Variants in PIK3CG observed in about 807,000 individuals in gnomAD.
The protein encoded by PIK3CG is phosphatidylinositol-4,5-bisphosphate 3-kinase catalytic subunit gamma.
Under a neutral mutation model 102.3 loss-of-function variants are expected in PIK3CG, and 55 were observed. That is an observed-to-expected ratio of 0.54 (90% CI 0.43 to 0.67). The LOEUF is 0.67. Ranked by LOEUF, PIK3CG falls within the 30% of genes least tolerant of loss-of-function variation. The probability of loss-of-function intolerance (pLI) is 0.00; values close to 1 mark genes in which losing one functional copy is unlikely to be tolerated. For missense variants in PIK3CG, 1,258 were observed against 1,391.8 expected, an observed-to-expected ratio of 0.90 and a Z score of 1.53; for synonymous variants, 552 against 540.0, an observed-to-expected ratio of 1.02 and a Z score of -0.31.
intron 4 of PIK3CG, among the ~76,000 whole-genome samples, chr7:106,873,170 C>T (rs1790599994): frequency 6.6e-6 from 1 of 152,170 alleles, no homozygotes; most frequent in African/African-American, 2.4e-5. Context: ...AATTAAGCAG[C>T]ATTATGCAGA....
Position 106,895,438 on chromosome 7 carries a change from T to C in PIK3CG, c.3030+9146T>C, listed in dbSNP as rs1354698290. Reference sequence around the variant, plus strand: ...TGAGTCCAAAAGGCAGAAATGAAACTTCTGGGACTGAGCGGGCAGGGCAGG... The same window carrying C: ...TGAGTCCAAAAGGCAGAAATGAAACCTCTGGGACTGAGCGGGCAGGGCAGG... On this transcript the variant is annotated intron_variant, in intron 10 of 10. Transcript: ENST00000496166. This position sits in a 1 kb window ranked among gnomAD's most constrained non-coding sequence, Gnocchi z 5.4. Among the ~76,000 whole-genome samples, 1 of 152,174 alleles carries C rather than the reference T, an allele frequency of 6.6e-6. No homozygotes were observed. The highest frequency in any genetic ancestry group is 2.4e-5 in the African/African-American group (1 of 41,444).
chr7:106,884,710 T>C lies in PIK3CG; in HGVS notation c.2872+444T>C, dbSNP rs1791035512. ...GCATTACGTTTATTGCACACTTTTT[T>C]TTCAACTCACTTGCCACTATAAAGC... On this transcript the variant is annotated intron_variant, in intron 9 of 10. Transcript: ENST00000496166. The surrounding 1 kb of genome is among the most constrained non-coding windows in gnomAD (Gnocchi z 4.2). Among the ~76,000 whole-genome samples, 1 of 152,202 alleles carries C rather than the reference T, an allele frequency of 6.6e-6. No individual in the cohort carries two copies. The highest frequency in any genetic ancestry group is 1.5e-5 in the Non-Finnish European group (1 of 68,030).
At chr7:106,889,009 T>C (rs1216752563) in intron 10 of PIK3CG, among the ~76,000 whole-genome samples, 3 of 152,234 alleles carry the variant, frequency 2.0e-5, no homozygotes, top group African/African-American at 7.2e-5. Context: ...CAATAAATGG[T>C]AGCCGCCATT....
chr7:106,868,694 A>C lies in PIK3CG; in HGVS notation c.1133A>C (p.Asp378Ala), dbSNP rs569081649. The C allele has an allele frequency of 6.8e-6, 11 of 1,614,170 alleles. No homozygotes were observed. The East Asian group carries it at 2.2e-4, about 33-fold the overall frequency. Reference protein sequence around the residue: ...IDIPVLPRNTDLTVFVEANIQ... With the variant: ...IDIPVLPRNTALTVFVEANIQ... ...ATCCCCGTCCTGCCTCGGAACACCG[A>C]CCTCACAGTTTTTGTAGAGGCAAAC... is the stretch of plus-strand genomic sequence containing the variant. Residue 378 changes from aspartate to alanine, a missense_variant, in exon 2 of 11, where the codon GAC (aspartate) becomes GCC (alanine). Asp to Ala is a moderately radical substitution (Grantham distance 126, BLOSUM62 -2). Around this residue, in one of 2 missense-constraint regions of PIK3CG, gnomAD observed 832 missense variants for 787.5 expected, o/e 1.06. Coordinates refer to ENST00000496166, the MANE Select transcript of PIK3CG (RefSeq NM_001282426.2). This position sits in a 1 kb window ranked among gnomAD's most constrained non-coding sequence, Gnocchi z 6.2.
chr7:106,865,709 C>T (rs1790257778), intron 1 of PIK3CG: 1 of 152,230 alleles, frequency 6.6e-6, no homozygotes, highest in South Asian at 2.1e-4. Context: ...GATTACTGTA[C>T]TTACAGTGTT....
In PIK3CG at chr7:106,867,748, G is replaced by A. The variant is rs373644334; in HGVS notation, c.187G>A (p.Gly63Ser). Reference protein sequence around the residue: ...SPETALLHVAGHGNVEQMKAQ... With the variant: ...SPETALLHVASHGNVEQMKAQ... ...CGAAACGGCGCTGCTGCACGTGGCC[G>A]GCCACGGCAACGTGGAGCAGATGAA... The change falls in exon 2 of 11, where the codon GGC becomes AGC. Residue 63 changes from glycine (G) to serine (S), a missense_variant. By Grantham distance (56) the Gly-to-Ser change is moderately conservative. Transcript: ENST00000496166. This position sits in a 1 kb window ranked among gnomAD's most constrained non-coding sequence, Gnocchi z 5.1. The A allele has an allele frequency of 6.2e-7, 1 of 1,612,926 alleles. No individual in the cohort carries two copies. Among genetic ancestry groups the A allele is most frequent in the Admixed American group, 1.7e-5 (1 of 60,008 alleles).
At chr7:106,881,550 CA>C in intron 6 of PIK3CG, among the ~76,000 whole-genome samples, 1 of 152,058 alleles carries the variant, frequency 6.6e-6, no homozygotes. Flanking sequence ...AAACCCACTC[CA>C]AAAGAAATGT....
rs1790341270 is a variant in PIK3CG, at chr7:106,867,646, G to A, written c.85G>A (p.Ala29Thr). Reference sequence around the variant, plus strand: ...CCGGAGGATGAAGCCGCGCAGTGCTGCGGCCAGCCTGTCCTCCATGGAGCT... The same window carrying A: ...CCGGAGGATGAAGCCGCGCAGTGCTACGGCCAGCCTGTCCTCCATGGAGCT... The part of the protein sequence containing the change: ...RRRRMKPRSA[A>T]ASLSSMELIP... The change falls in exon 2 of 11, where the codon GCG (alanine) becomes ACG (threonine). Residue 29 changes from alanine (A) to threonine (T), a missense_variant. Physicochemically the swap from Ala to Thr is moderately conservative, Grantham distance 58. Coordinates refer to ENST00000496166, the MANE Select transcript of PIK3CG (RefSeq NM_001282426.2). This position sits in a 1 kb window ranked among gnomAD's most constrained non-coding sequence, Gnocchi z 5.1. 1 of 1,613,246 alleles carries A rather than the reference G, an allele frequency of 6.2e-7. No individual in the cohort carries two copies. Among genetic ancestry groups the A allele is most frequent in the Non-Finnish European group, 8.5e-7 (1 of 1,179,958 alleles).
At position 106,884,218 on chromosome 7, in the gene PIK3CG, C is replaced by A. The variant is rs745386444; in HGVS notation, c.2824C>A (p.Leu942Ile). The change falls in exon 9 of 11, where the codon CTT (leucine) becomes ATT (isoleucine). Residue 942 changes from leucine to isoleucine, a missense_variant. Physicochemically the swap from Leu to Ile is conservative, Grantham distance 5. This residue lies in a region of PIK3CG where 426 missense variants were observed against 604.2 expected (regional missense o/e 0.71). Coordinates refer to ENST00000496166, the MANE Select transcript of PIK3CG (RefSeq NM_001282426.2). This position sits in a 1 kb window ranked among gnomAD's most constrained non-coding sequence, Gnocchi z 4.2. ...CAGYCVATFVLGIGDRHNDNI... is the reference protein window; with the variant it reads ...CAGYCVATFVIGIGDRHNDNI... ...AGGCTACTGTGTGGCAACCTTTGTTCTTGGAATAGGCGACAGACACAATGA... is the reference window on the plus strand; with the variant it reads ...AGGCTACTGTGTGGCAACCTTTGTTATTGGAATAGGCGACAGACACAATGA... 1.9e-6 allele frequency: 3 copies of A among 1,613,728 alleles called. No homozygotes were observed. The highest frequency in any genetic ancestry group is 2.5e-6 in the Non-Finnish European group (3 of 1,179,858).
At chr7:106,876,791 G>A (rs953315365) in intron 5 of PIK3CG, among the ~76,000 whole-genome samples, 9 of 152,090 alleles carry the variant, frequency 5.9e-5, no homozygotes, top group African/African-American at 9.7e-5. Flanking sequence ...TTAGTCTGTG[G>A]CTTGCCTTTT....
In PIK3CG at chr7:106,899,622, A is replaced by G. The variant is rs1406585426; in HGVS notation, c.3031-5487A>G. Among the ~76,000 whole-genome samples the G allele has an allele frequency of 4.6e-5, 7 of 152,164 alleles. No homozygotes were observed. Among genetic ancestry groups the G allele is most frequent in the Non-Finnish European group, 7.3e-5 (5 of 68,030 alleles). ...CTTTTCTGTGTCTATGGAGATAATC[A>G]TGTGGTTTTTGTCTTTAGTTCTTTG... On this transcript the variant is annotated intron_variant, in intron 10 of 10. Transcript: ENST00000496166. The surrounding 1 kb of genome is among the most constrained non-coding windows in gnomAD (Gnocchi z 4.6).
Position 106,893,078 on chromosome 7 carries a change from C to A in PIK3CG, c.3030+6786C>A, listed in dbSNP as rs556765297. Among the ~76,000 whole-genome samples the A allele has an allele frequency of 1.3e-5, 2 of 152,158 alleles. No homozygotes were observed. Among genetic ancestry groups the A allele is most frequent in the East Asian group, 3.9e-4 (2 of 5,178 alleles). On this transcript the variant is annotated intron_variant, in intron 10 of 10. Coordinates refer to ENST00000496166, the MANE Select transcript of PIK3CG (RefSeq NM_001282426.2). The surrounding 1 kb of genome is among the most constrained non-coding windows in gnomAD (Gnocchi z 4.4). ...CAAAGCAAAGAAGTCATTTGGAGCT[C>A]ATTCGATTAATCACAAATAACCATA...
rs2116520826 is a variant in PIK3CG at position 106,879,460 on chromosome 7, TCCA to T, written c.2392-55_2392-53del. ...GATGTTTTGCAAGAGAATTTGTGTCTCCACCATGTATATTCGTTATTCATTGTG... is the reference window on the plus strand; with the variant it reads ...GATGTTTTGCAAGAGAATTTGTGTCTCCATGTATATTCGTTATTCATTGTG... On this transcript the variant is annotated intron_variant, in intron 5 of 10. Coordinates refer to ENST00000496166, the MANE Select transcript of PIK3CG (RefSeq NM_001282426.2). The surrounding 1 kb of genome is among the most constrained non-coding windows in gnomAD (Gnocchi z 4.9). The T allele has an allele frequency of 2.2e-6, 3 of 1,357,208 alleles. No individual in the cohort carries two copies. In the South Asian group the frequency reaches 3.6e-5, roughly 16 times the overall value. 84.1% of individuals were successfully genotyped at this position (1,357,208 alleles called of 1,614,324 possible). A position where few individuals can be genotyped will look rare whatever the true frequency, so the allele number is the denominator to read the frequency against.
chr7:106,886,214 A>G lies in PIK3CG; in HGVS notation c.2952A>G (p.Pro984=). 1.1e-5 allele frequency: 18 copies of G among 1,614,122 alleles called. No individual in the cohort carries two copies. Among genetic ancestry groups the G allele is most frequent in the Non-Finnish European group, 1.5e-5 (18 of 1,179,954 alleles). The change falls in exon 10 of 11, where the codon CCA becomes CCG. Residue 984 remains proline, a synonymous_variant. Coordinates refer to ENST00000496166, the MANE Select transcript of PIK3CG (RefSeq NM_001282426.2). ...SFLGINKERV[P]FVLTPDFLFV... ...TGGGCATTAATAAAGAGAGAGTGCC[A>G]TTTGTGCTAACCCCTGACTTCCTCT...
Position 106,894,751 on chromosome 7 carries a change from TG to T in PIK3CG, c.3030+8461del, listed in dbSNP as rs1249285781. 6.6e-6 allele frequency among the ~76,000 whole-genome samples: 1 copy of T among 152,168 alleles called. No individual in the cohort carries two copies. The highest frequency in any genetic ancestry group is 1.5e-5 in the Non-Finnish European group (1 of 68,034). ...GTTCCACTTCATTTCTAGATGAAAA[TG>T]GAGGATTTTGATGTTAAGTATTTCA... is the stretch of plus-strand genomic sequence containing the variant. On this transcript the variant is annotated intron_variant, in intron 10 of 10. Transcript: ENST00000496166. This position sits in a 1 kb window ranked among gnomAD's most constrained non-coding sequence, Gnocchi z 4.4.
rs1318756094 is a variant in PIK3CG, at chr7:106,907,865, G to C, written c.*2478G>C. 7.2e-6 allele frequency among the ~76,000 whole-genome samples: 1 copy of C among 139,190 alleles called. No individual in the cohort carries two copies. Among genetic ancestry groups the C allele is most frequent in the Admixed American group, 7.4e-5 (1 of 13,530 alleles). The allele number at this position is 139,190 out of a possible 152,430, so 91.3% of individuals were successfully genotyped here. On this transcript the variant is annotated 3_prime_UTR_variant, in exon 11 of 11. Coordinates refer to ENST00000496166, the MANE Select transcript of PIK3CG (RefSeq NM_001282426.2). ...ATATATATATATATATATCACAGTT[G>C]GGCTTGATTCTTCCGTATTCCAAAG...
Position 106,874,561 on chromosome 7 carries a change from G to A in PIK3CG, c.2288-139G>A, listed in dbSNP as rs573196092. ...ATATGGTTAGCTCCTCAAAGGCAGG[G>A]CCCACCCACATTTCTCCTGCTCTAC... On this transcript the variant is annotated intron_variant, in intron 4 of 10. Transcript: ENST00000496166. This position sits in a 1 kb window ranked among gnomAD's most constrained non-coding sequence, Gnocchi z 4.3. The A allele has an allele frequency of 1.4e-5, 9 of 641,438 alleles. No individual in the cohort carries two copies. The highest frequency in any genetic ancestry group is 2.2e-5 in the Non-Finnish European group (8 of 371,026). The allele number at this position is 641,438 out of a possible 1,614,324, so 39.7% of individuals were successfully genotyped here.
rs1005650777 is a variant in PIK3CG at position 106,905,832 on chromosome 7, A to G, written c.*445A>G. On this transcript the variant is annotated 3_prime_UTR_variant, in exon 11 of 11. Coordinates refer to ENST00000496166, the MANE Select transcript of PIK3CG (RefSeq NM_001282426.2). This position sits in a 1 kb window ranked among gnomAD's most constrained non-coding sequence, Gnocchi z 5.6. ...ATGTAATCGTTGTAACCTTTGTCTCATTCCTTAAATGATGCTTCCAAACAT... is the reference window on the plus strand; with the variant it reads ...ATGTAATCGTTGTAACCTTTGTCTCGTTCCTTAAATGATGCTTCCAAACAT... 2 of 245,754 alleles carry G rather than the reference A, an allele frequency of 8.1e-6. No homozygotes were observed. Among genetic ancestry groups the G allele is most frequent in the African/African-American group, 4.4e-5 (2 of 45,384 alleles). 15.2% of individuals were successfully genotyped at this position (245,754 alleles called of 1,614,324 possible).
In PIK3CG at chr7:106,897,124, TCCAGGACA is replaced by T. The variant is rs1791429319; in HGVS notation, c.3031-7984_3031-7977del. 1.3e-5 allele frequency among the ~76,000 whole-genome samples: 2 copies of T among 152,236 alleles called. No individual in the cohort carries two copies. The highest frequency in any genetic ancestry group is 2.4e-5 in the African/African-American group (1 of 41,458). ...CCTTCTACAGTATCTTTCTAGTAGT[TCCAGGACA>T]TGCAATTTTAAGTACTTTTTGTGAA... On this transcript the variant is annotated intron_variant, in intron 10 of 10. Coordinates refer to ENST00000496166, the MANE Select transcript of PIK3CG (RefSeq NM_001282426.2). The surrounding 1 kb of genome is among the most constrained non-coding windows in gnomAD (Gnocchi z 4.6).
Sources: gnomAD v4.1 joint callset for allele counts (sites outside exome capture counted in the v4.1 genomes callset) on GRCh38, gnomAD v4.1.1 for gene constraint, gnomAD v4.1.1 regional missense constraint, Gnocchi (gnomAD v3.1) non-coding constraint, MANE v1.5 for transcripts, NCBI Gene and HGNC (gene_info 2026-07-23, HGNC 2026-07-21) for gene names.